The following ST3GAL4 variants were observed in gnomAD, a reference collection of about 807,000 sequenced individuals.
The protein encoded by ST3GAL4 is CMP-N-acetylneuraminate-beta-galactosamide-alpha-2,3-sialyltransferase 4.
A neutral mutation model predicts 42.6 loss-of-function variants in ST3GAL4; 24 were observed. That is an observed-to-expected ratio of 0.56 (90% CI 0.41 to 0.79). The LOEUF (loss-of-function observed/expected upper bound fraction) is 0.79, where lower values mean the gene tolerates loss of function less well. ST3GAL4 is among the 30% of genes least tolerant of loss of function. ST3GAL4 has a pLI of 0.00. For synonymous variants in ST3GAL4, 135 were observed against 163.2 expected (o/e 0.83, Z 1.32); for missense variants, 311 against 430.8 (o/e 0.72, Z 2.46).
chr11:126,377,232 G>T (rs1386223714), intron 1 of ST3GAL4, among the ~76,000 whole-genome samples: 1 of 151,854 alleles, frequency 6.6e-6, no homozygotes, highest in Non-Finnish European at 1.5e-5. Context: ...GTGTAGTGGC[G>T]CAATCTCAGC....
chr11:126,410,667 T>G lies in ST3GAL4; in HGVS notation c.771+1256T>G, dbSNP rs1333996406. Among the ~76,000 whole-genome samples, 1 of 152,254 alleles carries G rather than the reference T, an allele frequency of 6.6e-6. No homozygotes were observed. ...ATTTCCTGTTATTCCATGTTCTGTG[T>G]TGAATGGCTGCTTTTGTGACTGCTC... On this transcript the variant is annotated intron_variant, in intron 9 of 10. Transcript: ENST00000444328. The surrounding 1 kb of genome is among the most constrained non-coding windows in gnomAD (Gnocchi z 5.3).
At chr11:126,374,384 G>C (rs1182835311) in intron 1 of ST3GAL4, among the ~76,000 whole-genome samples, 16 of 150,296 alleles carry the variant, frequency 1.1e-4, no homozygotes, top group Admixed American at 1.1e-3. Flanking sequence ...CCCGGGAGGT[G>C]GAGGTTACAG....
rs1953232959 is a variant in ST3GAL4 at position 126,386,530 on chromosome 11, C to T, written c.-60-19566C>T. Among the ~76,000 whole-genome samples the T allele has an allele frequency of 6.6e-6, 1 of 152,108 alleles. No individual in the cohort carries two copies. The highest frequency in any genetic ancestry group is 1.5e-5 in the Non-Finnish European group (1 of 68,026). On this transcript the variant is annotated intron_variant, in intron 1 of 10. Transcript: ENST00000444328. The surrounding 1 kb of genome is among the most constrained non-coding windows in gnomAD (Gnocchi z 4.7). ...AAGGAGTGATGTGACCTCTGTGGCT[C>T]TCCTGGGACACAGGTTAGTCCTGTG...
At position 126,386,701 on chromosome 11, in the gene ST3GAL4, G is replaced by A. The variant is rs1202595875; in HGVS notation, c.-60-19395G>A. Reference sequence around the variant, plus strand: ...CTTGTGAGTACAGGGGAAATGGCATGGAGAAAGACAAACACCGGTGGGTGG... The same window carrying A: ...CTTGTGAGTACAGGGGAAATGGCATAGAGAAAGACAAACACCGGTGGGTGG... On this transcript the variant is annotated intron_variant, in intron 1 of 10. Coordinates refer to ENST00000444328, the MANE Select transcript of ST3GAL4 (RefSeq NM_001254757.2). This position sits in a 1 kb window ranked among gnomAD's most constrained non-coding sequence, Gnocchi z 4.7. Among the ~76,000 whole-genome samples, 1 of 152,192 alleles carries A rather than the reference G, an allele frequency of 6.6e-6. No individual in the cohort carries two copies. The highest frequency in any genetic ancestry group is 1.5e-5 in the Non-Finnish European group (1 of 68,042).
At chr11:126,395,237 G>A (rs141141991) in intron 1 of ST3GAL4, among the ~76,000 whole-genome samples, 15 of 152,162 alleles carry the variant, frequency 9.9e-5, no homozygotes, top group African/African-American at 3.6e-4. Context: ...TTGAGAGCCT[G>A]CTGGGTGCCG....
In ST3GAL4 at chr11:126,363,170, C is replaced by T. The variant is rs773738212; in HGVS notation, c.-61+7328C>T. Among the ~76,000 whole-genome samples the T allele has an allele frequency of 7.9e-5, 12 of 152,288 alleles. No homozygotes were observed. Among genetic ancestry groups the T allele is most frequent in the East Asian group, 7.7e-4 (4 of 5,174 alleles). ...GATTGTCCTCACAGGCAGTGTGGGC[C>T]GTTTCTCTAGACCTCCTGCCCCCAT... On this transcript the variant is annotated intron_variant, in intron 1 of 10. Transcript: ENST00000444328. The surrounding 1 kb of genome is among the most constrained non-coding windows in gnomAD (Gnocchi z 4.6).
Position 126,391,505 on chromosome 11 carries a change from C to A in ST3GAL4, c.-60-14591C>A, listed in dbSNP as rs1448218007. 1.3e-5 allele frequency among the ~76,000 whole-genome samples: 2 copies of A among 152,182 alleles called. No individual in the cohort carries two copies. Among genetic ancestry groups the A allele is most frequent in the African/African-American group, 4.8e-5 (2 of 41,432 alleles). On this transcript the variant is annotated intron_variant, in intron 1 of 10. Coordinates refer to ENST00000444328, the MANE Select transcript of ST3GAL4 (RefSeq NM_001254757.2). The surrounding 1 kb of genome is among the most constrained non-coding windows in gnomAD (Gnocchi z 5.5). ...CGGCTCTTGGAAAGACAGAGTGTGA[C>A]TTCCCCAGTGTGGTCTCCTTCCTTT...
intron 1 of ST3GAL4, among the ~76,000 whole-genome samples, chr11:126,370,014 T>C (rs1377562265): frequency 6.6e-6 from 1 of 152,242 alleles, no homozygotes; most frequent in Non-Finnish European, 1.5e-5. Context: ...GCATAGTGTT[T>C]CGTTGTGTGT....
At chr11:126,367,500 GGGAAGGGA>G (rs1361221518) in intron 1 of ST3GAL4, among the ~76,000 whole-genome samples, 1 of 152,198 alleles carries the variant, frequency 6.6e-6, no homozygotes, top group Non-Finnish European at 1.5e-5. Flanking sequence ...CCTTGTGCCT[GGGAAGGGA>G]GGACCAGGTG....
At chr11:126,370,292 G>A (rs1265683161) in intron 1 of ST3GAL4, among the ~76,000 whole-genome samples, 2 of 152,188 alleles carry the variant, frequency 1.3e-5, no homozygotes, top group Non-Finnish European at 2.9e-5. Context: ...CCAGCACTGT[G>A]TAGCTCAGGA....
At chr11:126,367,782 C>T (rs1196118538) in intron 1 of ST3GAL4, among the ~76,000 whole-genome samples, 7 of 152,154 alleles carry the variant, frequency 4.6e-5, no homozygotes, top group Non-Finnish European at 1.0e-4. Context: ...TTGCTCTGTG[C>T]CTCAGTTTCC....
Position 126,393,480 on chromosome 11 carries a change from TG to T in ST3GAL4, c.-60-12612del, listed in dbSNP as rs1324972522. Among the ~76,000 whole-genome samples the T allele has an allele frequency of 1.3e-5, 2 of 152,164 alleles. No homozygotes were observed. Among genetic ancestry groups the T allele is most frequent in the Non-Finnish European group, 2.9e-5 (2 of 68,022 alleles). On this transcript the variant is annotated intron_variant, in intron 1 of 10. Transcript: ENST00000444328. The surrounding 1 kb of genome is among the most constrained non-coding windows in gnomAD (Gnocchi z 5.9). The stretch of plus-strand genomic sequence containing the variant: ...CCCAGATGGCTCAGGAGGAGGGGGA[TG>T]GGGACGGGGAGAGTGAGGTCTTTTT...
At position 126,377,312 on chromosome 11, in the gene ST3GAL4, A is replaced by G. The variant is rs949779604; in HGVS notation, c.-61+21470A>G. Among the ~76,000 whole-genome samples the G allele has an allele frequency of 5.9e-5, 9 of 152,016 alleles. No homozygotes were observed. The East Asian group carries it at 1.2e-3, about 20-fold the overall frequency. ...CAACCTCCTGAGTAGCTGGGACTAC[A>G]GGTGTGTACCACCACACCCAGCTAA... is the stretch of plus-strand genomic sequence containing the variant. On this transcript the variant is annotated intron_variant, in intron 1 of 10. Transcript: ENST00000444328.
intron 1 of ST3GAL4, among the ~76,000 whole-genome samples, chr11:126,374,513 C>G (rs569620121): frequency 6.7e-6 from 1 of 150,116 alleles, no homozygotes; most frequent in South Asian, 2.1e-4. Flanking sequence ...GAGAGATAGC[C>G]AAGCCCATGT....
intron 1 of ST3GAL4, among the ~76,000 whole-genome samples, chr11:126,381,368 T>C (rs987874727): frequency 2.5e-4 from 38 of 152,084 alleles, no homozygotes; most frequent in Admixed American, 2.5e-3. Context: ...TCCGGCTCCA[T>C]ATGGATTTGG....
Position 126,406,452 on chromosome 11 carries a change from C to T in ST3GAL4, c.17-21C>T. ...ACCTGCCTGTTGCTGCCTCTAGCTC[C>T]TCTCTGCATGTGTCCTGCAGGCTGG... On this transcript the variant is annotated intron_variant, in intron 2 of 10. Coordinates refer to ENST00000444328, the MANE Select transcript of ST3GAL4 (RefSeq NM_001254757.2). This position sits in a 1 kb window ranked among gnomAD's most constrained non-coding sequence, Gnocchi z 5.4. 1 of 1,614,140 alleles carries T rather than the reference C, an allele frequency of 6.2e-7. No individual in the cohort carries two copies.
intron 1 of ST3GAL4, among the ~76,000 whole-genome samples, chr11:126,361,146 C>G (rs1312524873): frequency 6.6e-6 from 1 of 152,174 alleles, no homozygotes; most frequent in African/African-American, 2.4e-5. Context: ...GACCTCAGCT[C>G]CAATCCCTAT....
intron 1 of ST3GAL4, among the ~76,000 whole-genome samples, chr11:126,385,161 T>C (rs1012356036): frequency 1.3e-5 from 2 of 149,370 alleles, no homozygotes; most frequent in African/African-American, 4.9e-5. Context: ...TCAGTTTCTT[T>C]CTTTTTTTTT....
chr11:126,356,768 C>A (rs683486), intron 1 of ST3GAL4, among the ~76,000 whole-genome samples: 52,948 of 152,200 alleles, frequency 0.35, 9,694 homozygotes, highest in South Asian at 0.41. Context: ...TTTCCACCGC[C>A]GGAGGCGGGT....
Sources: allele counts gnomAD v4.1 joint callset (sites outside exome capture counted in the v4.1 genomes callset), GRCh38; gene constraint gnomAD v4.1.1; non-coding constraint Gnocchi (gnomAD v3.1); transcripts MANE v1.5; gene names NCBI Gene and HGNC (gene_info 2026-07-23, HGNC 2026-07-21).